The following NUP160 variants were observed in gnomAD, a reference collection of about 807,000 sequenced individuals.
NUP160 encodes nuclear pore complex protein Nup160.
In NUP160, 94 loss-of-function variants were observed where a neutral mutation model predicts 196.9. That is an observed-to-expected ratio of 0.48 (90% CI 0.40 to 0.57). The LOEUF (loss-of-function observed/expected upper bound fraction) is 0.57. Ranked by LOEUF, NUP160 falls within the 20% of genes least tolerant of loss-of-function variation. The pLI, the probability that NUP160 is intolerant of heterozygous loss-of-function variation, is 0.00. For synonymous variants in NUP160, 605 were observed against 619.7 expected (o/e 0.98, Z 0.35); for missense variants, 1,638 against 1,748.3 (o/e 0.94, Z 1.13).
intron 7 of NUP160, among the ~76,000 whole-genome samples, chr11:47,824,828 C>T (rs1038503930): frequency 4.1e-5 from 6 of 147,456 alleles, no homozygotes; most frequent in Admixed American, 6.8e-5. Context: ...TTTTTTTTCA[C>T]GTTAATTTAA....
exon 4 of NUP160, chr11:47,839,948 T>C (rs762975599): frequency 1.9e-6 from 3 of 1,614,030 alleles, no homozygotes; most frequent in South Asian, 1.1e-5. Flanking sequence ...GTAGAGGCGG[T>C]GGAATTAGGA....
At chr11:47,805,468 G>A (rs1429797131) in intron 20 of NUP160, among the ~76,000 whole-genome samples, 4 of 136,730 alleles carry the variant, frequency 2.9e-5, no homozygotes, top group South Asian at 4.6e-4. Context: ...TTTTTGAGAC[G>A]GAGTCTCACT....
At position 47,840,041 on chromosome 11, in the gene NUP160, G is replaced by A; in HGVS notation, c.550C>T (p.Gln184Ter). Residue 184 changes from glutamine to a stop codon, truncating the protein, a stop_gained, in exon 4 of 36, where the codon CAG (glutamine) becomes TAG (stop). Transcript: ENST00000378460. LOFTEE classifies it high-confidence loss of function. ...TTTCCAATGTCAGTGAATATTGACTGCATCTGACTGTCAACTACCAACTCC... is the reference window on the plus strand; with the variant it reads ...TTTCCAATGTCAGTGAATATTGACTACATCTGACTGTCAACTACCAACTCC... 6.2e-7 allele frequency: 1 copy of A among 1,612,546 alleles called. No homozygotes were observed. Among genetic ancestry groups the A allele is most frequent in the Non-Finnish European group, 8.5e-7 (1 of 1,178,588 alleles).
rs1412184094 is a variant in NUP160 at position 47,803,499 on chromosome 11, T to C, written c.2714A>G (p.Asn905Ser). 9.9e-6 allele frequency: 16 copies of C among 1,611,986 alleles called. No individual in the cohort carries two copies. The highest frequency in any genetic ancestry group is 4.5e-5 in the East Asian group (2 of 44,852). Reference sequence around the variant, plus strand: ...CAGCATAAATCGACAGGAACCAACATTGACTTGACACCAGGGATGTAGCAG... The same window carrying C: ...CAGCATAAATCGACAGGAACCAACACTGACTTGACACCAGGGATGTAGCAG... The change falls in exon 22 of 36, where the codon AAT becomes AGT. Residue 905 changes from asparagine (N) to serine (S), a missense_variant. Transcript: ENST00000378460.
chr11:47,786,463 T>C (rs774690512), exon 32 of NUP160: 4 of 1,611,230 alleles, frequency 2.5e-6, no homozygotes, highest in South Asian at 1.1e-5. Context: ...CTAGACTCCT[T>C]AGTAGTGATG....
At chr11:47,831,095 G>A (rs1362890516) in intron 7 of NUP160, among the ~76,000 whole-genome samples, 5 of 151,996 alleles carry the variant, frequency 3.3e-5, no homozygotes, top group South Asian at 4.2e-4. Flanking sequence ...CCTGGGAGGC[G>A]GAGGTTGCAG....
intron 27 of NUP160, among the ~76,000 whole-genome samples, chr11:47,796,552 A>G (rs764233222): frequency 1.3e-5 from 2 of 152,166 alleles, no homozygotes; most frequent in Non-Finnish European, 2.9e-5. Flanking sequence ...GGAAGAGGAG[A>G]TAAGAAAATG....
intron 7 of NUP160, among the ~76,000 whole-genome samples, chr11:47,832,146 T>C (rs538850561): frequency 2.4e-3 from 369 of 152,204 alleles, no homozygotes; most frequent in Middle Eastern, 0.014. Context: ...ATGATCCGCC[T>C]GCCTCAGCCT....
chr11:47,789,891 T>G (rs1235227164), intron 29 of NUP160, among the ~76,000 whole-genome samples: 1 of 151,854 alleles, frequency 6.6e-6, no homozygotes, highest in Non-Finnish European at 1.5e-5. Context: ...CCAGAAGCCT[T>G]ACTGACAACC....
At chr11:47,846,645 C>G (rs1196858351) in intron 2 of NUP160, among the ~76,000 whole-genome samples, 2 of 152,126 alleles carry the variant, frequency 1.3e-5, no homozygotes, top group Non-Finnish European at 2.9e-5. Context: ...ACAATTGAGC[C>G]ACCAGCAACC....
chr11:47,811,866 C>T (rs1472835537), intron 17 of NUP160, among the ~76,000 whole-genome samples, 198 bp downstream of exon 17: 1 of 152,148 alleles, frequency 6.6e-6, no homozygotes, highest in Admixed American at 6.6e-5. Flanking sequence ...AATCTATACT[C>T]TCACAAGGAT....
intron 4 of NUP160, among the ~76,000 whole-genome samples, chr11:47,838,237 C>T (rs929817270): frequency 1.2e-4 from 19 of 152,128 alleles, no homozygotes; most frequent in African/African-American, 4.3e-4. Context: ...CAATACCAAA[C>T]AAATGCCTTG....
At chr11:47,818,261 G>A (rs1291523704) in intron 10 of NUP160, 137 bp from the exon 11 acceptor site, 5 of 593,368 alleles carry the variant, frequency 8.4e-6, no homozygotes, top group Admixed American at 5.8e-5. Context: ...ACAGTAGTGC[G>A]GTTACATGTT....
At chr11:47,811,536 T>C (rs1328179671) in intron 17 of NUP160, among the ~76,000 whole-genome samples, 3 of 152,056 alleles carry the variant, frequency 2.0e-5, no homozygotes, top group African/African-American at 7.2e-5. Context: ...TTCTTTTTCT[T>C]CCTCCATACT....
At chr11:47,844,140 T>C (rs765465747) in intron 2 of NUP160, among the ~76,000 whole-genome samples, 2 of 152,174 alleles carry the variant, frequency 1.3e-5, no homozygotes, top group Non-Finnish European at 2.9e-5. Context: ...TGAAAACATA[T>C]CCACAATCAC....
intron 31 of NUP160, among the ~76,000 whole-genome samples, chr11:47,787,670 A>G (rs1439483921): frequency 1.3e-5 from 2 of 151,744 alleles, no homozygotes; most frequent in Non-Finnish European, 2.9e-5. Context: ...ACAGCCTCCC[A>G]AAGTATTAGT....
At chr11:47,803,216 T>A (rs559086499) in intron 22 of NUP160, among the ~76,000 whole-genome samples, 185 of 150,820 alleles carry the variant, frequency 1.2e-3, no homozygotes, top group Non-Finnish European at 2.3e-3. Context: ...GCAGGAGAGT[T>A]CTAATATTTT....
intron 34 of NUP160, 151 bp downstream of exon 34, chr11:47,782,922 G>T (rs2097662327): frequency 1.5e-6 from 1 of 684,294 alleles, no homozygotes; most frequent in Admixed American, 3.0e-5. Flanking sequence ...GCCTCCCAAA[G>T]TGCTGGGATT....
exon 6 of NUP160, chr11:47,836,889 T>C: frequency 1.9e-6 from 3 of 1,570,456 alleles, no homozygotes; most frequent in Non-Finnish European, 2.6e-6. Context: ...GCACTTACCT[T>C]GTAAGACCAC....
Sources: allele counts gnomAD v4.1 joint callset (sites outside exome capture counted in the v4.1 genomes callset), GRCh38; gene constraint gnomAD v4.1.1; transcripts MANE v1.5; gene names NCBI Gene and HGNC (gene_info 2026-07-23, HGNC 2026-07-21).